ARHGAP6: variants seen among roughly 807,000 people sequenced by gnomAD.
ARHGAP6 encodes rho GTPase-activating protein 6.
In ARHGAP6, 16 loss-of-function variants were observed where a neutral mutation model predicts 55.7. That is an observed-to-expected ratio of 0.29 (90% CI 0.19 to 0.44). The LOEUF (loss-of-function observed/expected upper bound fraction) is 0.44, where lower values mean the gene tolerates loss of function less well. Among genes scored for constraint, ARHGAP6 ranks in the 20% least tolerant of loss-of-function variants. The pLI is 1.00. For synonymous variants in ARHGAP6, 382 were observed against 360.9 expected (o/e 1.06, Z -0.66); for missense variants, 698 against 808.9 (o/e 0.86, Z 1.66).
At chrX:11,653,836 C>A (rs777699024) in intron 1 of ARHGAP6, among the ~76,000 whole-genome samples, 1 of 111,927 alleles carries the variant, frequency 8.9e-6, no homozygotes, top group South Asian at 3.8e-4. Flanking sequence ...GCTAAATCTG[C>A]CTACCTCTGA....
At chrX:11,300,264 A>T (rs992047905) in intron 1 of ARHGAP6, among the ~76,000 whole-genome samples, 1 of 112,043 alleles carries the variant, frequency 8.9e-6, no homozygotes, top group Non-Finnish European at 1.9e-5. Flanking sequence ...TTTGTGTAAA[A>T]TTTGAGTATA....
intron 1 of ARHGAP6, among the ~76,000 whole-genome samples, chrX:11,652,318 G>A (rs1392099212): frequency 8.9e-6 from 1 of 111,766 alleles, no homozygotes; most frequent in Non-Finnish European, 1.9e-5. Context: ...TGAAAGGAAA[G>A]GGTCCAGTTG....
At chrX:11,386,752 T>A (rs1209696073) in intron 1 of ARHGAP6, among the ~76,000 whole-genome samples, 1 of 111,442 alleles carries the variant, frequency 9.0e-6, no homozygotes, top group Non-Finnish European at 1.9e-5. Flanking sequence ...GATGGAAACA[T>A]GAATAAAAAA....
At chrX:11,387,049 C>G (rs988095632) in intron 1 of ARHGAP6, among the ~76,000 whole-genome samples, 2 of 112,048 alleles carry the variant, frequency 1.8e-5, no homozygotes, top group Non-Finnish European at 3.8e-5. Context: ...AGGAAAAACA[C>G]TTGGAAAAAA....
chrX:11,326,419 C>T (rs1179206375), intron 1 of ARHGAP6, among the ~76,000 whole-genome samples: 2 of 111,373 alleles, frequency 1.8e-5, no homozygotes, highest in African/African-American at 3.3e-5. Context: ...TGAGCCATCG[C>T]GCCCAGCTGG....
At chrX:11,575,881 T>C (rs1272675092) in intron 1 of ARHGAP6, among the ~76,000 whole-genome samples, 2 of 112,472 alleles carry the variant, frequency 1.8e-5, no homozygotes, top group Non-Finnish European at 3.8e-5. Flanking sequence ...ACAGCTGCAG[T>C]TCAGAACAGT....
At chrX:11,652,314 G>A (rs767800336) in intron 1 of ARHGAP6, among the ~76,000 whole-genome samples, 6 of 111,772 alleles carry the variant, frequency 5.4e-5, no homozygotes, top group Non-Finnish European at 1.1e-4. Flanking sequence ...ATGGTGAAAG[G>A]AAAGGGTCCA....
chrX:11,476,725 T>C (rs1261480378), intron 1 of ARHGAP6, among the ~76,000 whole-genome samples: 4 of 111,538 alleles, frequency 3.6e-5, no homozygotes, highest in Non-Finnish European at 7.6e-5. Flanking sequence ...AGTAATTTAA[T>C]GGGGAAAGGA....
chrX:11,354,937 A>G (rs2048914383), intron 1 of ARHGAP6, among the ~76,000 whole-genome samples: 2 of 111,884 alleles, frequency 1.8e-5, no homozygotes. Flanking sequence ...GTTTTAAAAT[A>G]CAATTGTAAT....
At position 11,433,799 on chromosome X, in the gene ARHGAP6, A is replaced by T. The variant is rs186045491; in HGVS notation, c.589-179092T>A. Among the ~76,000 whole-genome samples, 210 of 112,752 alleles carry T rather than the reference A, an allele frequency of 1.9e-3. 2 individuals carry two copies. Among genetic ancestry groups the T allele is most frequent in the Admixed American group, 0.016 (171 of 10,701 alleles). Reference sequence around the variant, plus strand: ...TGCAAACATCTGGATCCTCAGAACAACTGGGAAGGAAAGTATGACTATCTT... The same window carrying T: ...TGCAAACATCTGGATCCTCAGAACATCTGGGAAGGAAAGTATGACTATCTT... On this transcript the variant is annotated intron_variant, in intron 1 of 12. Transcript: ENST00000337414.
intron 1 of ARHGAP6, among the ~76,000 whole-genome samples, chrX:11,526,781 C>T (rs1396197716): frequency 1.8e-5 from 2 of 111,397 alleles, no homozygotes; most frequent in Non-Finnish European, 3.8e-5. Flanking sequence ...TTAGATGCTA[C>T]TTGTGTTGTG....
chrX:11,390,213 G>T lies in ARHGAP6; in HGVS notation c.589-135506C>A, dbSNP rs939338865. On this transcript the variant is annotated intron_variant, in intron 1 of 12. Transcript: ENST00000337414. ...TTTCCCCATTTCTTGTTTTTGTCAG[G>T]TTTGTCAAAGATCAGATGGTTGTAG... Among the ~76,000 whole-genome samples the T allele has an allele frequency of 3.6e-5, 4 of 111,466 alleles. No individual in the cohort carries two copies. In the Admixed American group the frequency reaches 3.8e-4, roughly 11 times the overall value.
chrX:11,147,240 T>C (rs142122116), intron 10 of ARHGAP6, among the ~76,000 whole-genome samples: 22 of 111,662 alleles, frequency 2.0e-4, no homozygotes, highest in African/African-American at 7.1e-4. Context: ...TATGCACACA[T>C]ATACATATTC....
intron 1 of ARHGAP6, among the ~76,000 whole-genome samples, chrX:11,424,071 T>C (rs1442308435): frequency 8.9e-6 from 1 of 112,780 alleles, no homozygotes; most frequent in Admixed American, 9.3e-5. Context: ...GATAGTCACA[T>C]TAAGTCACTG....
At chrX:11,456,720 T>G (rs1022175169) in intron 1 of ARHGAP6, among the ~76,000 whole-genome samples, 2 of 111,676 alleles carry the variant, frequency 1.8e-5, no homozygotes, top group East Asian at 5.6e-4. Context: ...CAAAAGACAA[T>G]CCTAGCAATT....
rs200479259 is a variant in ARHGAP6, at chrX:11,188,650, T to A, written c.1077+78A>T. ...ACCAACTACATATCCAGTTTTCACATGAACAAAAACGCAAAGAATAACTGT... is the reference window on the plus strand; with the variant it reads ...ACCAACTACATATCCAGTTTTCACAAGAACAAAAACGCAAAGAATAACTGT... On this transcript the variant is annotated intron_variant, in intron 4 of 12. Coordinates refer to ENST00000337414, the MANE Select transcript of ARHGAP6 (RefSeq NM_013427.3). 707 of 1,133,616 alleles carry A rather than the reference T, an allele frequency of 6.2e-4. 1 individual carries two copies. The highest frequency in any genetic ancestry group is 7.7e-4 in the Non-Finnish European group (659 of 851,510). 93.4% of individuals were successfully genotyped at this position (1,133,616 alleles called of 1,213,427 possible). A position where few individuals can be genotyped will look rare whatever the true frequency, so the allele number is the denominator to read the frequency against.
At chrX:11,297,518 T>A (rs1478004729) in intron 1 of ARHGAP6, among the ~76,000 whole-genome samples, 2 of 112,517 alleles carry the variant, frequency 1.8e-5, no homozygotes, top group Non-Finnish European at 3.8e-5. Context: ...GCAAGGTTAC[T>A]GATTATTTTT....
At chrX:11,376,530 A>G (rs73498725) in intron 1 of ARHGAP6, among the ~76,000 whole-genome samples, 6,742 of 112,994 alleles carry the variant, frequency 0.06, 232 homozygotes, top group African/African-American at 0.13. Context: ...GGAGCCTCCC[A>G]AAGGAACCCT....
intron 1 of ARHGAP6, among the ~76,000 whole-genome samples, chrX:11,474,557 A>G (rs2050384031): frequency 8.9e-6 from 1 of 112,340 alleles, no homozygotes; most frequent in South Asian, 3.7e-4. Flanking sequence ...ACAGAAGAAT[A>G]AAAATATGCA....
Sources: gnomAD v4.1 joint callset for allele counts (sites outside exome capture counted in the v4.1 genomes callset) on GRCh38, gnomAD v4.1.1 for gene constraint, MANE v1.5 for transcripts, NCBI Gene and HGNC (gene_info 2026-07-23, HGNC 2026-07-21) for gene names.